DENND5A: variants seen among roughly 807,000 people sequenced by gnomAD.
DENND5A encodes DENN domain-containing protein 5A.
DENND5A carries 64 observed loss-of-function variants against 140.3 expected under a neutral mutation model. That is an observed-to-expected ratio of 0.46 (90% CI 0.37 to 0.56). DENND5A has a LOEUF of 0.56. DENND5A is among the 20% of genes least tolerant of loss of function. The pLI, the probability that DENND5A is intolerant of heterozygous loss-of-function variation, is 0.00. For synonymous variants in DENND5A, 605 were observed against 607.7 expected (o/e 1.00, Z 0.07); for missense variants, 1,292 against 1,593.8 (o/e 0.81, Z 3.22).
intron 8 of DENND5A, among the ~76,000 whole-genome samples, chr11:9,176,282 T>C (rs1848542769): frequency 6.6e-6 from 1 of 152,276 alleles, no homozygotes; most frequent in Non-Finnish European, 1.5e-5. Flanking sequence ...AATTCATTCA[T>C]CTGGCAAATA....
chr11:9,188,716 G>GA, intron 5 of DENND5A, among the ~76,000 whole-genome samples: 1 of 152,290 alleles, frequency 6.6e-6, no homozygotes. Flanking sequence ...GTGTGACTTT[G>GA]AACTTAAGAG....
At chr11:9,170,070 G>T in intron 9 of DENND5A, 121 bp from the exon 10 acceptor site, 1 of 865,842 alleles carries the variant, frequency 1.2e-6, no homozygotes. Context: ...TGACCTAGAT[G>T]TCACCAGAGA....
intron 1 of DENND5A, among the ~76,000 whole-genome samples, chr11:9,222,447 A>C (rs992054917): frequency 6.6e-6 from 1 of 152,248 alleles, no homozygotes; most frequent in South Asian, 2.1e-4. Context: ...AAGTAGACTT[A>C]AAATACTGTA....
intron 1 of DENND5A, among the ~76,000 whole-genome samples, chr11:9,239,558 C>A (rs1851147408): frequency 6.6e-6 from 1 of 150,390 alleles, no homozygotes; most frequent in African/African-American, 2.5e-5. Flanking sequence ...TCTCGAAATC[C>A]TGGGCTCAAG....
At chr11:9,140,667 G>A (rs189147545) in intron 22 of DENND5A, among the ~76,000 whole-genome samples, 9 of 152,208 alleles carry the variant, frequency 5.9e-5, no homozygotes, top group East Asian at 3.9e-4. Flanking sequence ...CCCTTGCCAC[G>A]TTCTGTTATT....
intron 22 of DENND5A, among the ~76,000 whole-genome samples, chr11:9,140,589 T>C (rs922576758): frequency 1.3e-5 from 2 of 152,198 alleles, no homozygotes; most frequent in Non-Finnish European, 2.9e-5. Flanking sequence ...TGTACTAATA[T>C]GAAAAGAATC....
At chr11:9,188,246 T>C (rs944587639) in intron 5 of DENND5A, among the ~76,000 whole-genome samples, 1 of 152,212 alleles carries the variant, frequency 6.6e-6, no homozygotes, top group Non-Finnish European at 1.5e-5. Context: ...CTGCCATCCA[T>C]GTAAACATGA....
intron 8 of DENND5A, chr11:9,177,914 GTC>G: frequency 1.9e-6 from 1 of 520,042 alleles, no homozygotes; most frequent in Non-Finnish European, 3.4e-6. Context: ...GCTGATTAGG[GTC>G]TCTACTACAT....
Position 9,160,743 on chromosome 11 carries a change from C to T in DENND5A, c.2406G>A (p.Arg802=), listed in dbSNP as rs763214859. ...LIASLCDLLE[R]IWSHGLQVKQ... is the part of the protein sequence containing the mutation. ...TCACTTGTAGTCCATGACTCCAGAT[C>T]CTTTCCAGGAGATCACAAAGGCTGG... Residue 802 remains arginine, a synonymous_variant, in exon 12 of 23, where the codon AGG becomes AGA. Transcript: ENST00000328194. The T allele has an allele frequency of 1.9e-6, 3 of 1,613,654 alleles. No homozygotes were observed. In the South Asian group the frequency reaches 3.3e-5, roughly 18 times the overall value.
intron 10 of DENND5A, among the ~76,000 whole-genome samples, chr11:9,168,804 C>T (rs929674329): frequency 6.6e-6 from 1 of 152,178 alleles, no homozygotes; most frequent in African/African-American, 2.4e-5. Context: ...TTCTTGGGTT[C>T]TCTCTGTGCA....
chr11:9,250,043 T>TAAAAAA (rs145412972), intron 1 of DENND5A, among the ~76,000 whole-genome samples: 7 of 115,372 alleles, frequency 6.1e-5, no homozygotes, highest in African/African-American at 2.2e-4. Flanking sequence ...AAAATAAAAT[T>TAAAAAA]TAAAAAAAAA....
chr11:9,211,929 CAAAAAAAAAAAA>C (rs71453905), intron 1 of DENND5A, among the ~76,000 whole-genome samples: 1,040 of 84,900 alleles, frequency 0.012, 19 homozygotes, highest in African/African-American at 0.044. Flanking sequence ...GACTCCGTCT[CAAAAAAAAAAAA>C]AAAAAAAACA....
At chr11:9,227,209 TAAGC>T (rs58667202) in intron 1 of DENND5A, among the ~76,000 whole-genome samples, 13,767 of 138,248 alleles carry the variant, frequency 0.1, 992 homozygotes, top group African/African-American at 0.23. Context: ...AATAAATAAA[TAAGC>T]AAGCAAGCAC....
chr11:9,210,455 C>CT (rs1564917564), intron 1 of DENND5A, among the ~76,000 whole-genome samples: 3 of 152,206 alleles, frequency 2.0e-5, no homozygotes, highest in South Asian at 2.1e-4. Context: ...TCATAACAGA[C>CT]TTTTTTTTAA....
intron 1 of DENND5A, among the ~76,000 whole-genome samples, chr11:9,261,777 C>CAAA (rs10651988): frequency 0.41 from 36,793 of 89,464 alleles, 8,202 homozygotes; most frequent in East Asian, 0.53. Flanking sequence ...GACTGTGTCT[C>CAAA]AAAAAAAAAA....
At chr11:9,191,852 T>G (rs1404880015) in intron 5 of DENND5A, among the ~76,000 whole-genome samples, 1 of 152,224 alleles carries the variant, frequency 6.6e-6, no homozygotes, top group African/African-American at 2.4e-5. Context: ...GAATCATAAT[T>G]AGGTTGACTA....
chr11:9,174,477 C>T (rs1197232148), intron 8 of DENND5A, among the ~76,000 whole-genome samples: 1 of 146,914 alleles, frequency 6.8e-6, no homozygotes, highest in African/African-American at 2.5e-5. Flanking sequence ...AAACAGATTT[C>T]ACAGTAAAGA....
intron 11 of DENND5A, 147 bp from the exon 12 acceptor site, chr11:9,161,012 C>T: frequency 1.3e-6 from 1 of 780,858 alleles, no homozygotes; most frequent in Non-Finnish European, 2.0e-6. Flanking sequence ...TATATTTATA[C>T]CCATGTAGGT....
At chr11:9,260,961 A>T (rs887933547) in intron 1 of DENND5A, among the ~76,000 whole-genome samples, 6 of 152,054 alleles carry the variant, frequency 3.9e-5, no homozygotes, top group Admixed American at 2.0e-4. Flanking sequence ...TGACCTTCTC[A>T]CCTCAGCTTC....
Sources: allele counts gnomAD v4.1 joint callset (sites outside exome capture counted in the v4.1 genomes callset), GRCh38; gene constraint gnomAD v4.1.1; transcripts MANE v1.5; gene names NCBI Gene and HGNC (gene_info 2026-07-23, HGNC 2026-07-21).